E4F1: variants seen among roughly 807,000 people sequenced by gnomAD.
The protein encoded by E4F1 is transcription factor E4F1.
E4F1 carries 30 observed loss-of-function variants against 72.9 expected under a neutral mutation model. The ratio of observed to expected loss-of-function variants is 0.41; its 90% confidence interval spans 0.31 to 0.56. The LOEUF (loss-of-function observed/expected upper bound fraction) is 0.56, where lower values mean the gene tolerates loss of function less well. Among genes scored for constraint, E4F1 ranks in the 20% least tolerant of loss-of-function variants. E4F1 has a pLI of 0.25. For synonymous variants in E4F1, 542 were observed against 478.2 expected (o/e 1.13, Z -1.74); for missense variants, 1,091 against 1,117.5 (o/e 0.98, Z 0.34).
At chr16:2,233,259 G>T in intron 7 of E4F1, 76 bp downstream of exon 7, 1 of 1,519,436 alleles carries the variant, frequency 6.6e-7, no homozygotes. Flanking sequence ...CTGGGCACTG[G>T]CTCCAGGGGT....
At position 2,232,840 on chromosome 16, in the gene E4F1, C is replaced by G; in HGVS notation, c.815C>G (p.Pro272Arg). 1.4e-5 allele frequency: 22 copies of G among 1,613,496 alleles called. No individual in the cohort carries two copies. Among genetic ancestry groups the G allele is most frequent in the Non-Finnish European group, 1.9e-5 (22 of 1,179,996 alleles). The change falls in exon 6 of 14, where the codon CCC (proline) becomes CGC (arginine). Residue 272 changes from proline (P) to arginine (R), a missense_variant. Transcript: ENST00000301727. Reference protein sequence around the residue: ...ALTRHLKSLTPCTEKIRFSVS... With the variant: ...ALTRHLKSLTRCTEKIRFSVS... ...ACCCGGCACCTCAAGTCTCTCACCC[C>G]CTGCACAGAGAAAATCCGCTTCAGT...
intron 1 of E4F1, among the ~76,000 whole-genome samples, chr16:2,224,800 C>T (rs2093421656): frequency 6.6e-6 from 1 of 151,478 alleles, no homozygotes; most frequent in African/African-American, 2.4e-5. Flanking sequence ...AAGAAAATGA[C>T]CAGGGTCACC....
At position 2,232,551 on chromosome 16, in the gene E4F1, C is replaced by T; in HGVS notation, c.705C>T (p.Leu235=). The change falls in exon 5 of 14, where the codon CTC becomes CTT. Residue 235 remains leucine (L), a synonymous_variant. Transcript: ENST00000301727. Reference sequence around the variant, plus strand: ...CCTCCTTCCGCACCAAGGGCTCACTCATCCGGCACCACCGGCGGCACACGG... The same window carrying T: ...CCTCCTTCCGCACCAAGGGCTCACTTATCCGGCACCACCGGCGGCACACGG... ...CGASFRTKGS[L]IRHHRRHTDE... 1 of 1,612,302 alleles carries T rather than the reference C, an allele frequency of 6.2e-7. No individual in the cohort carries two copies. Among genetic ancestry groups the T allele is most frequent in the Non-Finnish European group, 8.5e-7 (1 of 1,179,742 alleles).
At position 2,229,598 on chromosome 16, in the gene E4F1, A is replaced by G. The variant is rs1000656598; in HGVS notation, c.338A>G (p.Glu113Gly). ...GTGCCGGCAGCACCAGGCCCAGAGG[A>G]GCCCATCACTGTGGCCCACATCGTG... is the stretch of plus-strand genomic sequence containing the variant. ...EVVPAAPGPEEPITVAHIVVE... is the reference protein window; with the variant it reads ...EVVPAAPGPEGPITVAHIVVE... Residue 113 changes from glutamate (E) to glycine (G), a missense_variant, in exon 3 of 14, where the codon GAG becomes GGG. By Grantham distance (98) the Glu-to-Gly change is moderately conservative. Transcript: ENST00000301727. 3 of 1,612,400 alleles carry G rather than the reference A, an allele frequency of 1.9e-6. No individual in the cohort carries two copies. Among genetic ancestry groups the G allele is most frequent in the Admixed American group, 1.7e-5 (1 of 60,026 alleles).
In E4F1 at chr16:2,234,180, C is replaced by T. The variant is rs552965184; in HGVS notation, c.1385C>T (p.Pro462Leu). 11 of 1,611,744 alleles carry T rather than the reference C, an allele frequency of 6.8e-6. No individual in the cohort carries two copies. The highest frequency in any genetic ancestry group is 1.7e-4 in the Middle Eastern group (1 of 6,040). ...CTGTGTGTGGCTGCAGGGCCGAGGC[C>T]GTTCGCCTGCGCGCAGTGTGGCAAG... ...AHKRGHTGPR[P>L]FACAQCGKAF... The change falls in exon 10 of 14, where the codon CCG becomes CTG. Residue 462 changes from proline (P) to leucine (L), a missense_variant. By Grantham distance (98) the Pro-to-Leu change is moderately conservative. This residue lies in a region of E4F1 where 622 missense variants were observed against 628.0 expected (regional missense o/e 0.99). Transcript: ENST00000301727.
In E4F1 at chr16:2,234,740, T is replaced by A; in HGVS notation, c.1751T>A (p.Phe584Tyr). ...AAGTGCTACAAGTGCGGCCGTGGCT[T>A]CGCCGAGCACGGCACGCTGAACCGG... Reference protein sequence around the residue: ...PFKCYKCGRGFAEHGTLNRHL... With the variant: ...PFKCYKCGRGYAEHGTLNRHL... The change falls in exon 11 of 14, where the codon TTC (phenylalanine) becomes TAC (tyrosine). Residue 584 changes from phenylalanine (F) to tyrosine (Y), a missense_variant. By Grantham distance (22) the Phe-to-Tyr change is conservative. Around this residue, in one of 5 missense-constraint regions of E4F1, gnomAD observed 622 missense variants for 628.0 expected, o/e 0.99. Coordinates refer to ENST00000301727, the MANE Select transcript of E4F1 (RefSeq NM_004424.5). The A allele has an allele frequency of 6.5e-7, 1 of 1,548,172 alleles. No homozygotes were observed. The highest frequency in any genetic ancestry group is 1.2e-5 in the South Asian group (1 of 84,454).
intron 8 of E4F1, 29 bp downstream of exon 8, chr16:2,233,676 T>C: frequency 6.6e-7 from 1 of 1,523,386 alleles, no homozygotes; most frequent in South Asian, 1.2e-5. Context: ...TGCGGGCTCC[T>C]CCCAGGGCTG....
intron 10 of E4F1, 44 bp downstream of exon 10, chr16:2,234,432 C>T (rs1160626161): frequency 6.2e-7 from 1 of 1,606,184 alleles, no homozygotes; most frequent in Admixed American, 1.7e-5. Context: ...TCCCCCCATC[C>T]TGCTCCCTGG....
At chr16:2,227,191 C>T (rs1038243530) in intron 1 of E4F1, among the ~76,000 whole-genome samples, 5 of 152,018 alleles carry the variant, frequency 3.3e-5, no homozygotes, top group African/African-American at 2.4e-5. Flanking sequence ...CACACTTCCA[C>T]GCTTGGCTAA....
chr16:2,234,091 A>C, intron 9 of E4F1, 80 bp from the exon 10 acceptor site: 1 of 1,566,374 alleles, frequency 6.4e-7, no homozygotes, highest in Non-Finnish European at 8.7e-7. Flanking sequence ...GCAGGGAGCC[A>C]GGGGATCTGT....
In E4F1 at chr16:2,232,741, A is replaced by G. The variant is rs1257178075; in HGVS notation, c.731-15A>G. Reference sequence around the variant, plus strand: ...CTGCTGGGGCTGCCCGGGGCTGACTAGGTTCTCTCTGCAGATGAGCGCCCC... The same window carrying G: ...CTGCTGGGGCTGCCCGGGGCTGACTGGGTTCTCTCTGCAGATGAGCGCCCC... On this transcript the variant is annotated splice_polypyrimidine_tract_variant and intron_variant, in intron 5 of 13. Coordinates refer to ENST00000301727, the MANE Select transcript of E4F1 (RefSeq NM_004424.5). 1.2e-6 allele frequency: 2 copies of G among 1,612,742 alleles called. No homozygotes were observed. Among genetic ancestry groups the G allele is most frequent in the Non-Finnish European group, 1.7e-6 (2 of 1,179,914 alleles).
intron 3 of E4F1, 126 bp from the exon 4 acceptor site, chr16:2,232,045 G>T: frequency 8.3e-7 from 1 of 1,199,082 alleles, no homozygotes; most frequent in Non-Finnish European, 1.2e-6. Context: ...TGTGTGTTGA[G>T]GGCTCAGTGC....
Position 2,233,015 on chromosome 16 carries a change from T to C in E4F1, c.888T>C (p.Ser296=). 1 of 1,608,254 alleles carries C rather than the reference T, an allele frequency of 6.2e-7. No individual in the cohort carries two copies. Among genetic ancestry groups the C allele is most frequent in the Non-Finnish European group, 8.5e-7 (1 of 1,175,958 alleles). The change falls in exon 7 of 14, where the codon TCT becomes TCC. Residue 296 remains serine, a synonymous_variant. Coordinates refer to ENST00000301727, the MANE Select transcript of E4F1 (RefSeq NM_004424.5). ...CTCCCTCACTCCACCTTGAAGGTTC[T>C]GGAGCTGGAGCTGCCGGCTTGGGGA... ...VVSKEDARAG[S]GAGAAGLGTA...
intron 3 of E4F1, 169 bp downstream of exon 3, chr16:2,229,844 C>T (rs991031428): frequency 1.0e-5 from 7 of 671,152 alleles, no homozygotes; most frequent in Admixed American, 5.0e-5. Context: ...GAGGAGGAAG[C>T]GTTGGGCACT....
In E4F1 at chr16:2,233,327, G is replaced by T. The variant is rs59845216; in HGVS notation, c.1057-111G>T. 3,631 of 1,422,836 alleles carry T rather than the reference G, an allele frequency of 2.6e-3. 66 individuals are homozygous for T. In the African/African-American group the frequency reaches 0.043, roughly 17 times the overall value. 88.1% of individuals were successfully genotyped at this position (1,422,836 alleles called of 1,614,324 possible). A position where few individuals can be genotyped will look rare whatever the true frequency, so the allele number is the denominator to read the frequency against. On this transcript the variant is annotated intron_variant, in intron 7 of 13. Transcript: ENST00000301727. ...CAGGGAGAGCAGGGCCAGTGGGAGC[G>T]CCATGGGGGTCTGAGGGTTTGCACA...
intron 3 of E4F1, 178 bp from the exon 4 acceptor site, chr16:2,231,993 T>C (rs1226916179): frequency 4.1e-6 from 3 of 729,950 alleles, no homozygotes; most frequent in Non-Finnish European, 6.7e-6. Flanking sequence ...CCTCTCACTC[T>C]GACCTGGAGA....
At position 2,235,387 on chromosome 16, in the gene E4F1, G is replaced by T; in HGVS notation, c.2170G>T (p.Ala724Ser). The change falls in exon 14 of 14, where the codon GCC (alanine) becomes TCC (serine). Residue 724 changes from alanine to serine, a missense_variant. By Grantham distance (99) the Ala-to-Ser change is moderately conservative. This residue lies in a region of E4F1 where 622 missense variants were observed against 628.0 expected (regional missense o/e 0.99). Transcript: ENST00000301727. ...CCCCGAGAGCCTGACAGAGCAGGTGGCCATGACGCTGGCCTCGGCCATCAG... is the reference window on the plus strand; with the variant it reads ...CCCCGAGAGCCTGACAGAGCAGGTGTCCATGACGCTGGCCTCGGCCATCAG... ...ATPESLTEQVAMTLASAISEG... is the reference protein window; with the variant it reads ...ATPESLTEQVSMTLASAISEG... The T allele has an allele frequency of 3.1e-6, 5 of 1,611,026 alleles. No individual in the cohort carries two copies. The highest frequency in any genetic ancestry group is 4.2e-6 in the Non-Finnish European group (5 of 1,179,916).
At position 2,234,738 on chromosome 16, in the gene E4F1, C is replaced by G; in HGVS notation, c.1749C>G (p.Gly583=). Residue 583 remains glycine, a synonymous_variant, in exon 11 of 14, where the codon GGC becomes GGG. Coordinates refer to ENST00000301727, the MANE Select transcript of E4F1 (RefSeq NM_004424.5). ...TCAAGTGCTACAAGTGCGGCCGTGG[C>G]TTCGCCGAGCACGGCACGCTGAACC... The part of the protein sequence containing the change: ...KPFKCYKCGR[G]FAEHGTLNRH... 1.9e-6 allele frequency: 3 copies of G among 1,553,754 alleles called. No homozygotes were observed. The highest frequency in any genetic ancestry group is 2.6e-6 in the Non-Finnish European group (3 of 1,149,374).
chr16:2,229,744 G>T (rs1430983921), intron 3 of E4F1, 69 bp downstream of exon 3: 14 of 1,520,248 alleles, frequency 9.2e-6, no homozygotes, highest in African/African-American at 1.4e-5. Flanking sequence ...TGGGGCCCCT[G>T]CTGCCTGTAT....
Sources: allele counts gnomAD v4.1 joint callset (sites outside exome capture counted in the v4.1 genomes callset), GRCh38; gene constraint gnomAD v4.1.1; regional missense constraint gnomAD v4.1.1; transcripts MANE v1.5; gene names NCBI Gene and HGNC (gene_info 2026-07-23, HGNC 2026-07-21).